LRP1B: variants seen among roughly 807,000 people sequenced by gnomAD.
LRP1B encodes low-density lipoprotein receptor-related protein 1B.
Under a neutral mutation model 556.6 loss-of-function variants are expected in LRP1B, and 217 were observed. The ratio of observed to expected loss-of-function variants is 0.39; its 90% CI spans 0.35 to 0.44. LRP1B has a LOEUF of 0.44. Ranked by LOEUF, LRP1B falls within the 20% of genes least tolerant of loss-of-function variation. The probability of loss-of-function intolerance (pLI) is 1.00; values close to 1 mark genes in which losing one functional copy is unlikely to be tolerated. For synonymous variants in LRP1B, 2,047 were observed against 1,865.8 expected (o/e 1.10, Z -2.50); for missense variants, 5,053 against 5,620.8 (o/e 0.90, Z 3.23).
intron 1 of LRP1B, among the ~76,000 whole-genome samples, chr2:142,016,044 A>T (rs1301612296): frequency 6.6e-6 from 1 of 151,236 alleles, no homozygotes; most frequent in Admixed American, 6.6e-5. Context: ...ACACTTCTCA[A>T]AAGAAGACAT....
chr2:141,427,866 C>T (rs1211387480), intron 3 of LRP1B, among the ~76,000 whole-genome samples: 1 of 152,102 alleles, frequency 6.6e-6, no homozygotes, highest in Non-Finnish European at 1.5e-5. Context: ...TAGTATTGCA[C>T]TGATAGTGCA....
At chr2:142,108,349 G>A (rs550593643) in intron 1 of LRP1B, among the ~76,000 whole-genome samples, 1 of 151,988 alleles carries the variant, frequency 6.6e-6, no homozygotes, top group East Asian at 1.9e-4. Flanking sequence ...TTTAAAATTA[G>A]CTTAAAAAAT....
intron 1 of LRP1B, among the ~76,000 whole-genome samples, chr2:142,055,644 A>C (rs1341255704): frequency 6.6e-6 from 1 of 152,132 alleles, no homozygotes; most frequent in East Asian, 1.9e-4. Context: ...CTCATAACCT[A>C]AGAAAATTTG....
intron 5 of LRP1B, among the ~76,000 whole-genome samples, chr2:141,235,745 C>G (rs889885638): frequency 2.6e-5 from 4 of 152,070 alleles, no homozygotes; most frequent in African/African-American, 9.7e-5. Context: ...ATACATGGTT[C>G]ACATTTATTA....
chr2:141,920,290 G>A (rs1295919002), intron 1 of LRP1B, among the ~76,000 whole-genome samples: 1 of 44,074 alleles, frequency 2.3e-5, no homozygotes, highest in Non-Finnish European at 4.3e-5. Context: ...GGGGGGGGGT[G>A]GTAGGGATAA....
intron 35 of LRP1B, among the ~76,000 whole-genome samples, chr2:140,748,797 T>C (rs1688457338): frequency 1.0e-5 from 1 of 95,308 alleles, no homozygotes; most frequent in Admixed American, 1.3e-4. Context: ...ATATATTATA[T>C]ACATATTATA....
chr2:141,784,828 C>T (rs1358619049), intron 2 of LRP1B, among the ~76,000 whole-genome samples: 2 of 151,806 alleles, frequency 1.3e-5, no homozygotes, highest in East Asian at 1.9e-4. Context: ...TGTTTGGCAC[C>T]GATAACAGTC....
intron 6 of LRP1B, among the ~76,000 whole-genome samples, chr2:141,228,430 C>T (rs1683332238): frequency 7.0e-6 from 1 of 143,872 alleles, no homozygotes. Context: ...TGTGTACTCC[C>T]ATGTGGAAGC....
intron 51 of LRP1B, among the ~76,000 whole-genome samples, chr2:140,512,379 T>C (rs1201526803): frequency 1.3e-5 from 2 of 152,172 alleles, no homozygotes; most frequent in Non-Finnish European, 1.5e-5. Flanking sequence ...CTTTATTTCA[T>C]AGTTGCCACT....
chr2:140,598,750 T>C lies in LRP1B; in HGVS notation c.7075A>G (p.Ser2359Gly). The C allele has an allele frequency of 6.2e-7, 1 of 1,612,972 alleles. No individual in the cohort carries two copies. The highest frequency in any genetic ancestry group is 8.5e-7 in the Non-Finnish European group (1 of 1,179,020). The change falls in exon 43 of 91, where the codon AGT becomes GGT. Residue 2359 changes from serine (S) to glycine (G), a missense_variant. Ser to Gly is a moderately conservative substitution (Grantham distance 56). Coordinates refer to ENST00000389484, the MANE Select transcript of LRP1B (RefSeq NM_018557.3). ...CCATTTGGAGTGAGTATGTCTGTAC[T>C]GACCACCACTTGAGCATTTTTCCCA... ...LTGKNAQVVVSTDILTPNGLT... is the reference protein window; with the variant it reads ...LTGKNAQVVVGTDILTPNGLT...
chr2:140,917,455 T>G (rs898508568), intron 21 of LRP1B, among the ~76,000 whole-genome samples: 4 of 152,146 alleles, frequency 2.6e-5, no homozygotes, highest in African/African-American at 7.2e-5. Context: ...AAAGATGTCC[T>G]TCAGTGGGTA....
chr2:140,989,731 A>G, intron 16 of LRP1B, 74 bp from the exon 17 acceptor site: 1 of 1,465,066 alleles, frequency 6.8e-7, no homozygotes, highest in Non-Finnish European at 9.5e-7. Context: ...TGATAGTTAC[A>G]GAAAAGTTAC....
rs192504955 is a variant in LRP1B, at chr2:140,940,228, C to T, written c.3136+10007G>A. 1.8e-3 allele frequency among the ~76,000 whole-genome samples: 275 copies of T among 152,068 alleles called. 1 individual carries two copies. The highest frequency in any genetic ancestry group is 6.4e-3 in the African/African-American group (267 of 41,476). ...ACAAACATTTCTGAATAGAAACTTA[C>T]CTGCGGAAATAGCTATCTAAAGATA... On this transcript the variant is annotated intron_variant, in intron 20 of 90. Coordinates refer to ENST00000389484, the MANE Select transcript of LRP1B (RefSeq NM_018557.3).
intron 25 of LRP1B, among the ~76,000 whole-genome samples, chr2:140,875,825 T>C (rs529638797): frequency 1.3e-5 from 2 of 152,274 alleles, no homozygotes; most frequent in African/African-American, 2.4e-5. Context: ...TCAAAAATTA[T>C]GGGAAACTCC....
chr2:140,468,784 T>C (rs1195372640), intron 60 of LRP1B, among the ~76,000 whole-genome samples: 1 of 152,230 alleles, frequency 6.6e-6, no homozygotes, highest in Non-Finnish European at 1.5e-5. Context: ...AAGATTATCT[T>C]GGAGCCTTAA....
At chr2:140,752,189 C>A (rs1215091495) in intron 35 of LRP1B, among the ~76,000 whole-genome samples, 5 of 151,956 alleles carry the variant, frequency 3.3e-5, no homozygotes, top group African/African-American at 9.7e-5. Flanking sequence ...GTGGCACGCA[C>A]CTGTATCCCA....
In LRP1B at chr2:140,770,894, A is replaced by G. The variant is rs1422795284; in HGVS notation, c.5613T>C (p.Arg1871=). 7 of 1,556,128 alleles carry G rather than the reference A, an allele frequency of 4.5e-6. No individual in the cohort carries two copies. Among genetic ancestry groups the G allele is most frequent in the Non-Finnish European group, 5.2e-6 (6 of 1,158,608 alleles). The change falls in exon 34 of 91, where the codon CGT becomes CGC. Residue 1871 remains arginine (R), a synonymous_variant. Coordinates refer to ENST00000389484, the MANE Select transcript of LRP1B (RefSeq NM_018557.3). Reference sequence around the variant, plus strand: ...ATGAACTCATACCTTGACATGACATACGGTTCTTTTGGAGATAATATCCCA... The same window carrying G: ...ATGAACTCATACCTTGACATGACATGCGGTTCTTTTGGAGATAATATCCCA... ...CTVGYYLQKN[R]MSCQGIESFL... is the part of the protein sequence containing the mutation.
At chr2:140,291,325 T>TATATATATATA (rs1449270404) in intron 84 of LRP1B, among the ~76,000 whole-genome samples, 25 of 132,610 alleles carry the variant, frequency 1.9e-4, no homozygotes, top group East Asian at 4.4e-4. Context: ...TATATTTTTA[T>TATATATATATA]TATACTTTAA....
Position 140,492,525 on chromosome 2 carries a change from C to T in LRP1B, c.9120+83G>A, listed in dbSNP as rs925155408. 7 of 842,742 alleles carry T rather than the reference C, an allele frequency of 8.3e-6. No homozygotes were observed. In the South Asian group the frequency reaches 1.2e-4, roughly 15 times the overall value. 52.2% of individuals were successfully genotyped at this position (842,742 alleles called of 1,614,324 possible). A position where few individuals can be genotyped will look rare whatever the true frequency, so the allele number is the denominator to read the frequency against. ...CAACTAAAAATATGCTTCACAAACT[C>T]TAATTGCCAGGTAGTTCTACAGCTC... is the stretch of plus-strand genomic sequence containing the variant. On this transcript the variant is annotated intron_variant, in intron 57 of 90. Coordinates refer to ENST00000389484, the MANE Select transcript of LRP1B (RefSeq NM_018557.3).
Sources: allele counts gnomAD v4.1 joint callset (sites outside exome capture counted in the v4.1 genomes callset), GRCh38; gene constraint gnomAD v4.1.1; transcripts MANE v1.5; gene names NCBI Gene and HGNC (gene_info 2026-07-23, HGNC 2026-07-21).